The following NBEAL1 variants were observed in gnomAD, a reference collection of about 807,000 sequenced individuals.
NBEAL1 encodes neurobeachin-like protein 1.
In NBEAL1, 273 loss-of-function variants were observed where a neutral mutation model predicts 351.3. The observed-to-expected ratio is 0.78, with a 90% confidence interval of 0.70 to 0.86. The LOEUF (loss-of-function observed/expected upper bound fraction) is 0.86, where lower values mean the gene tolerates loss of function less well. NBEAL1 is among the 40% of genes least tolerant of loss of function. The pLI is 0.00. For synonymous variants in NBEAL1, 1,050 were observed against 1,086.4 expected, an observed-to-expected ratio of 0.97 and a Z score of 0.66; for missense variants, 2,961 against 3,201.3, an observed-to-expected ratio of 0.92 and a Z score of 1.81.
intron 18 of NBEAL1, among the ~76,000 whole-genome samples, chr2:203,121,866 A>G (rs2062839457): frequency 6.6e-6 from 1 of 150,516 alleles, no homozygotes; most frequent in Non-Finnish European, 1.5e-5. Flanking sequence ...GCTCACTGCA[A>G]CCTCCGTCTC....
rs2063204493 is a variant in NBEAL1 at position 203,136,234 on chromosome 2, T to C, written c.4371T>C (p.Ser1457=). 2.5e-6 allele frequency: 4 copies of C among 1,574,880 alleles called. No individual in the cohort carries two copies. The African/African-American group carries it at 4.1e-5, about 16-fold the overall frequency. Residue 1457 remains serine, a synonymous_variant, in exon 28 of 56, where the codon TCT becomes TCC. Coordinates refer to ENST00000683969, the MANE Select transcript of NBEAL1 (RefSeq NM_001378026.1). The part of the protein sequence containing the change: ...TNDMGFSDDF[S]LLESQERCEE... The stretch of plus-strand genomic sequence containing the variant: ...ATATGGGCTTTAGTGATGACTTCTC[T>C]TTACTTGAAAGCCAAGAGGTAAAAT...
At chr2:203,157,897 A>G (rs1471710752) in intron 36 of NBEAL1, 72 bp downstream of exon 36, 14 of 1,226,296 alleles carry the variant, frequency 1.1e-5, no homozygotes, top group Non-Finnish European at 1.5e-5. Context: ...GATTTGCTTG[A>G]AATTCTAACA....
At position 203,084,551 on chromosome 2, in the gene NBEAL1, A is replaced by G; in HGVS notation, c.1080A>G (p.Arg360=). 1 of 1,529,534 alleles carries G rather than the reference A, an allele frequency of 6.5e-7. No individual in the cohort carries two copies. The highest frequency in any genetic ancestry group is 8.8e-7 in the Non-Finnish European group (1 of 1,134,590). The allele number at this position is 1,529,534 out of a possible 1,614,324, so 94.7% of individuals were successfully genotyped here. A position where few individuals can be genotyped will look rare whatever the true frequency, so the allele number is the denominator to read the frequency against. Residue 360 remains arginine (R), a synonymous_variant, in exon 10 of 56, where the codon CGA becomes CGG. Coordinates refer to ENST00000683969, the MANE Select transcript of NBEAL1 (RefSeq NM_001378026.1). ...GCAATTGCTTTGAACATCTCATACG[A>G]CTGCTACAGAACTGCAAGGTATTTT... ...LNSNCFEHLI[R]LLQNCKLFLN...
At chr2:203,145,233 C>T in intron 33 of NBEAL1, 73 bp downstream of exon 33, 2 of 1,312,586 alleles carry the variant, frequency 1.5e-6, no homozygotes, top group Non-Finnish European at 1.0e-6. Context: ...AAGAGTAATA[C>T]AGGCCCCAAA....
Position 203,072,726 on chromosome 2 carries a change from G to C in NBEAL1, c.598+4251G>C, listed in dbSNP as rs577880184. Reference sequence around the variant, plus strand: ...AATAACATGCTCCTTATTTATGTTTGAGAGCTCACCAGAATTGCCCTGAAG... The same window carrying C: ...AATAACATGCTCCTTATTTATGTTTCAGAGCTCACCAGAATTGCCCTGAAG... On this transcript the variant is annotated intron_variant, in intron 7 of 55. Coordinates refer to ENST00000683969, the MANE Select transcript of NBEAL1 (RefSeq NM_001378026.1). Among the ~76,000 whole-genome samples, 4 of 152,160 alleles carry C rather than the reference G, an allele frequency of 2.6e-5. No individual in the cohort carries two copies. In the South Asian group the frequency reaches 8.3e-4, roughly 32 times the overall value.
intron 12 of NBEAL1, among the ~76,000 whole-genome samples, chr2:203,100,748 A>G (rs2062299738): frequency 6.6e-6 from 1 of 151,890 alleles, no homozygotes. Flanking sequence ...GGGTTTCACC[A>G]CGTTGGCCAG....
rs2062691435 is a variant in NBEAL1 at position 203,116,113 on chromosome 2, T to G, written c.2592+43T>G. The stretch of plus-strand genomic sequence containing the variant: ...AACTGTCCATCTAGTTATAACTATG[T>G]TGTGAACTGCAGTTCCTTTTCTATT... On this transcript the variant is annotated intron_variant, in intron 18 of 55. Coordinates refer to ENST00000683969, the MANE Select transcript of NBEAL1 (RefSeq NM_001378026.1). 3.0e-6 allele frequency: 4 copies of G among 1,314,850 alleles called. No individual in the cohort carries two copies. In the South Asian group the frequency reaches 5.1e-5, roughly 17 times the overall value. The allele number at this position is 1,314,850 out of a possible 1,614,324, so 81.4% of individuals were successfully genotyped here. A position where few individuals can be genotyped will look rare whatever the true frequency, so the allele number is the denominator to read the frequency against.
At chr2:203,128,177 CAGA>C (rs1180003883) in intron 24 of NBEAL1, among the ~76,000 whole-genome samples, 4 of 151,462 alleles carry the variant, frequency 2.6e-5, no homozygotes, top group Non-Finnish European at 5.9e-5. Context: ...CTCCATCTCC[CAGA>C]AGGAGAAGTG....
intron 33 of NBEAL1, among the ~76,000 whole-genome samples, chr2:203,145,974 G>C (rs1156986994): frequency 1.3e-5 from 2 of 150,260 alleles, no homozygotes; most frequent in East Asian, 3.9e-4. Context: ...CAATAAAACA[G>C]ATAAACTTCT....
chr2:203,166,615 C>T (rs1179243161), intron 37 of NBEAL1, among the ~76,000 whole-genome samples: 1 of 152,098 alleles, frequency 6.6e-6, no homozygotes, highest in African/African-American at 2.4e-5. Flanking sequence ...GGTGCGATCT[C>T]GGCTCACTGA....
chr2:203,151,490 C>G lies in NBEAL1; in HGVS notation c.5488C>G (p.Leu1830Val). 1.2e-6 allele frequency: 2 copies of G among 1,601,068 alleles called. No homozygotes were observed. Among genetic ancestry groups the G allele is most frequent in the Non-Finnish European group, 1.7e-6 (2 of 1,174,396 alleles). ...GAAACAGAATCCAATTCACTGGAAG[C>G]TAGCTAATGTAGAGAATTATTCCCG... ...KRKQNPIHWK[L>V]ANVENYSRMR... The change falls in exon 35 of 56, where the codon CTA becomes GTA. Residue 1830 changes from leucine to valine, a missense_variant. Coordinates refer to ENST00000683969, the MANE Select transcript of NBEAL1 (RefSeq NM_001378026.1).
chr2:203,066,609 C>A (rs1303614320), intron 6 of NBEAL1, among the ~76,000 whole-genome samples: 1 of 152,234 alleles, frequency 6.6e-6, no homozygotes, highest in East Asian at 1.9e-4. Flanking sequence ...CTGTTGGGTA[C>A]ACTTCCCAGA....
chr2:203,070,169 A>G (rs2061657154), intron 7 of NBEAL1, among the ~76,000 whole-genome samples: 1 of 152,004 alleles, frequency 6.6e-6, no homozygotes, highest in South Asian at 2.1e-4. Flanking sequence ...GTTTGCTAAT[A>G]GTTTTTATTA....
intron 28 of NBEAL1, 25 bp downstream of exon 28, chr2:203,136,277 G>A: frequency 6.8e-7 from 1 of 1,481,208 alleles, no homozygotes; most frequent in Non-Finnish European, 9.1e-7. Flanking sequence ...TTTTCCAAAT[G>A]TTGTTTTTAT....
At chr2:203,017,760 A>G (rs1339143662) in intron 2 of NBEAL1, among the ~76,000 whole-genome samples, 1 of 152,102 alleles carries the variant, frequency 6.6e-6, no homozygotes, top group Non-Finnish European at 1.5e-5. Context: ...TAAATTTAAT[A>G]TTAAAGCTTA....
chr2:203,195,015 G>T (rs992894650), intron 47 of NBEAL1, among the ~76,000 whole-genome samples: 1 of 151,926 alleles, frequency 6.6e-6, no homozygotes, highest in Non-Finnish European at 1.5e-5. Flanking sequence ...GGCTAACATG[G>T]TGAAACCCCG....
At chr2:203,118,223 C>T (rs2106261757) in intron 18 of NBEAL1, among the ~76,000 whole-genome samples, 1 of 152,288 alleles carries the variant, frequency 6.6e-6, no homozygotes, top group East Asian at 1.9e-4. Context: ...TATCAAGACA[C>T]TTCATCCCTG....
chr2:203,204,882 A>G (rs1017840688), intron 51 of NBEAL1, among the ~76,000 whole-genome samples: 2 of 152,184 alleles, frequency 1.3e-5, no homozygotes, highest in African/African-American at 4.8e-5. Context: ...AAATCCTCTT[A>G]TCAACTCTCA....
At chr2:203,116,875 G>A (rs1187124669) in intron 18 of NBEAL1, among the ~76,000 whole-genome samples, 1 of 151,930 alleles carries the variant, frequency 6.6e-6, no homozygotes, top group East Asian at 1.9e-4. Context: ...GCTGAGGTGG[G>A]CGGATCACCT....
Sources: allele counts gnomAD v4.1 joint callset (sites outside exome capture counted in the v4.1 genomes callset), GRCh38; gene constraint gnomAD v4.1.1; transcripts MANE v1.5; gene names NCBI Gene and HGNC (gene_info 2026-07-23, HGNC 2026-07-21).